The following RNF125 variants were observed in gnomAD, a reference collection of about 807,000 sequenced individuals.
RNF125 encodes ring finger protein 125.
RNF125 carries 21 observed loss-of-function variants against 26.0 expected under a neutral mutation model. The ratio of observed to expected loss-of-function variants is 0.81; its 90% CI spans 0.57 to 1.16. The LOEUF is 1.16. RNF125 is among the 50% of genes most tolerant of loss of function. The pLI is 0.00. For missense variants in RNF125, 270 were observed against 299.4 expected, an observed-to-expected ratio of 0.90 and a Z score of 0.72; for synonymous variants, 95 against 109.2, an observed-to-expected ratio of 0.87 and a Z score of 0.81.
At chr18:32,060,860 A>G (rs542827025) in intron 4 of RNF125, among the ~76,000 whole-genome samples, 1 of 152,186 alleles carries the variant, frequency 6.6e-6, no homozygotes, top group Non-Finnish European at 1.5e-5. Context: ...TGAAGACTCC[A>G]CTAGTTGCCT....
chr18:32,053,346 G>T (rs973273105), intron 4 of RNF125, among the ~76,000 whole-genome samples: 3 of 151,342 alleles, frequency 2.0e-5, no homozygotes, highest in Admixed American at 2.0e-4. Flanking sequence ...TGGGCAACAA[G>T]AGTGAAACTC....
rs2039540966 is a variant in RNF125 at position 32,072,340 on chromosome 18, CAT to C, written c.*3959_*3960del. 1 of 152,142 alleles carries C rather than the reference CAT, an allele frequency of 6.6e-6. No individual in the cohort carries two copies. Among genetic ancestry groups the C allele is most frequent in the Non-Finnish European group, 1.5e-5 (1 of 68,018 alleles). The allele number at this position is 152,142 out of a possible 1,614,324, so 9.4% of individuals were successfully genotyped here. On this transcript the variant is annotated 3_prime_UTR_variant, in exon 6 of 6. Transcript: ENST00000217740. The stretch of plus-strand genomic sequence containing the variant: ...AAGTCCAGAGCCTGAGAAATGAAAA[CAT>C]ATTTTTAAGCATTGGTGTTGACCAT...
intron 1 of RNF125, 109 bp downstream of exon 1, chr18:32,019,136 A>G (rs752926204): frequency 9.5e-6 from 13 of 1,361,338 alleles, no homozygotes; most frequent in Non-Finnish European, 1.3e-5. Context: ...CTCTTAGGAA[A>G]TTGCTGCAGG....
At chr18:32,049,416 T>C (rs541855687) in intron 4 of RNF125, among the ~76,000 whole-genome samples, 1 of 152,282 alleles carries the variant, frequency 6.6e-6, no homozygotes, top group East Asian at 1.9e-4. Context: ...ATCAGGCATA[T>C]AATAAAGTAA....
chr18:32,034,604 G>A (rs1338428778), intron 1 of RNF125, among the ~76,000 whole-genome samples: 1 of 152,074 alleles, frequency 6.6e-6, no homozygotes, highest in East Asian at 1.9e-4. Context: ...AGTGTATCAA[G>A]CTTGAAATTA....
intron 4 of RNF125, among the ~76,000 whole-genome samples, chr18:32,053,369 A>C (rs1027502710): frequency 3.1e-5 from 4 of 128,418 alleles, no homozygotes; most frequent in South Asian, 4.2e-4. Context: ...TCTCAAACAA[A>C]AAAAAAAAGA....
At chr18:32,058,835 T>G (rs780464263) in intron 4 of RNF125, among the ~76,000 whole-genome samples, 5 of 152,178 alleles carry the variant, frequency 3.3e-5, no homozygotes, top group Non-Finnish European at 5.9e-5. Flanking sequence ...TGAGTTCAAT[T>G]GGTTTAATTT....
At position 32,037,574 on chromosome 18, in the gene RNF125, A is replaced by G. The variant is rs368345348; in HGVS notation, c.318+305A>G. ...TTTTTAGTAGAGACACGGTTTCACTATGTTAGCCAGGATGGTCTCAATCTC... is the reference window on the plus strand; with the variant it reads ...TTTTTAGTAGAGACACGGTTTCACTGTGTTAGCCAGGATGGTCTCAATCTC... On this transcript the variant is annotated intron_variant, in intron 2 of 5. Transcript: ENST00000217740. Among the ~76,000 whole-genome samples, 68 of 151,870 alleles carry G rather than the reference A, an allele frequency of 4.5e-4. 1 individual carries two copies. In the South Asian group the frequency reaches 0.013, roughly 28 times the overall value.
intron 3 of RNF125, among the ~76,000 whole-genome samples, chr18:32,043,600 G>C (rs569374700): frequency 1.3e-5 from 2 of 152,276 alleles, no homozygotes; most frequent in African/African-American, 4.8e-5. Flanking sequence ...TAGGAAGGAA[G>C]GATTACCAAT....
At chr18:32,082,591 A>G in the RNF125 span, among the ~76,000 whole-genome samples, 1 of 152,248 alleles carries the variant, frequency 6.6e-6, no homozygotes, top group South Asian at 2.1e-4. Flanking sequence ...TGGGATATAC[A>G]TCGCCCCCAG....
chr18:32,032,090 G>GTTTT (rs1445607250), intron 1 of RNF125, among the ~76,000 whole-genome samples: 1 of 151,010 alleles, frequency 6.6e-6, no homozygotes, highest in Non-Finnish European at 1.5e-5. Flanking sequence ...GTTTTGTTTT[G>GTTTT]TTTTGAGACG....
At chr18:32,085,297 A>T in the RNF125 span, among the ~76,000 whole-genome samples, 7 of 152,170 alleles carry the variant, frequency 4.6e-5, no homozygotes, top group Admixed American at 1.3e-4. Context: ...GGGCCTGCCC[A>T]GCAGGAAGCA....
downstream of RNF125, chr18:32,075,891 A>T: frequency 8.8e-7 from 1 of 1,141,308 alleles, no homozygotes; most frequent in East Asian, 2.3e-5. Flanking sequence ...ATCTCTAGAA[A>T]AGAATCCTAG....
intron 1 of RNF125, among the ~76,000 whole-genome samples, chr18:32,025,516 T>A (rs1454657204): frequency 6.6e-6 from 1 of 151,406 alleles, no homozygotes; most frequent in East Asian, 1.9e-4. Context: ...TACAAGAAAA[T>A]TAGCCAGGGG....
chr18:32,022,501 G>T (rs901326631), intron 1 of RNF125, among the ~76,000 whole-genome samples: 3 of 152,188 alleles, frequency 2.0e-5, no homozygotes, highest in Non-Finnish European at 4.4e-5. Context: ...TATGGGCATG[G>T]GAGTCATACA....
intron 4 of RNF125, 126 bp downstream of exon 4, chr18:32,045,858 ACT>A (rs1176068583): frequency 1.6e-5 from 9 of 578,586 alleles, no homozygotes; most frequent in Non-Finnish European, 2.7e-5. Context: ...GGTTATGGTA[ACT>A]CTGTGACTGT....
chr18:32,066,705 C>T (rs2039488642), intron 5 of RNF125, among the ~76,000 whole-genome samples: 1 of 152,158 alleles, frequency 6.6e-6, no homozygotes, highest in African/African-American at 2.4e-5. Flanking sequence ...AGCACCTACT[C>T]CCAAAATTCT....
At chr18:32,090,187 A>G in the RNF125 span, among the ~76,000 whole-genome samples, 1 of 152,208 alleles carries the variant, frequency 6.6e-6, no homozygotes, top group Non-Finnish European at 1.5e-5. Flanking sequence ...CGCAGGTTGA[A>G]GTGAGCTGAG....
intron 4 of RNF125, among the ~76,000 whole-genome samples, chr18:32,049,877 A>G (rs2039306891): frequency 1.3e-5 from 2 of 152,108 alleles, no homozygotes; most frequent in Non-Finnish European, 2.9e-5. Flanking sequence ...CAGGGGACAG[A>G]TATGTGGTAT....
Sources: allele counts gnomAD v4.1 joint callset (sites outside exome capture counted in the v4.1 genomes callset), GRCh38; gene constraint gnomAD v4.1.1; transcripts MANE v1.5; gene names NCBI Gene and HGNC (gene_info 2026-07-23, HGNC 2026-07-21).